The following FAM184B variants were observed in gnomAD, a reference collection of about 807,000 sequenced individuals.
The protein encoded by FAM184B is family with sequence similarity 184 member B.
Under a neutral mutation model 135.9 loss-of-function variants are expected in FAM184B, and 111 were observed. The observed-to-expected ratio is 0.82, with a 90% CI of 0.70 to 0.96. The LOEUF (loss-of-function observed/expected upper bound fraction) is 0.96, where lower values mean the gene tolerates loss of function less well. FAM184B is among the 40% of genes least tolerant of loss of function. The pLI is 0.00. For missense variants in FAM184B, 1,375 were observed against 1,323.9 expected (o/e 1.04, Z -0.60); for synonymous variants, 552 against 524.8 (o/e 1.05, Z -0.71).
intron 1 of FAM184B, among the ~76,000 whole-genome samples, chr4:17,745,898 T>C (rs1164203654): frequency 6.6e-6 from 1 of 152,210 alleles, no homozygotes; most frequent in African/African-American, 2.4e-5. Flanking sequence ...TATTTAGATC[T>C]CTGATCCACA....
intron 4 of FAM184B, 53 bp from the exon 5 acceptor site, chr4:17,705,259 G>A (rs1272459549): frequency 3.7e-5 from 49 of 1,333,230 alleles, no homozygotes; most frequent in Non-Finnish European, 4.7e-5. Context: ...TGAGGAGCAA[G>A]GAATCACCAT....
At chr4:17,646,478 G>A (rs979338617) in intron 12 of FAM184B, among the ~76,000 whole-genome samples, 5 of 152,102 alleles carry the variant, frequency 3.3e-5, no homozygotes, top group Admixed American at 2.6e-4. Context: ...AATATCAGAA[G>A]GACAAAAAAC....
intron 8 of FAM184B, 82 bp from the exon 9 acceptor site, chr4:17,660,169 G>A: frequency 6.7e-7 from 1 of 1,485,554 alleles, no homozygotes; most frequent in Non-Finnish European, 9.1e-7. Context: ...GCCAGCCACT[G>A]TGCCTGGGAG....
intron 8 of FAM184B, among the ~76,000 whole-genome samples, chr4:17,662,406 C>T (rs931815618): frequency 1.3e-5 from 2 of 152,044 alleles, no homozygotes; most frequent in Middle Eastern, 3.4e-3. Flanking sequence ...GGCACAATCT[C>T]GGCTCGCTGC....
intron 1 of FAM184B, among the ~76,000 whole-genome samples, chr4:17,767,178 C>T (rs896442888): frequency 2.6e-5 from 4 of 152,174 alleles, no homozygotes; most frequent in Non-Finnish European, 4.4e-5. Flanking sequence ...GGTTCCCGCC[C>T]GTGCCTCTCC....
At chr4:17,656,558 C>G (rs1408770239) in intron 10 of FAM184B, among the ~76,000 whole-genome samples, 1 of 152,140 alleles carries the variant, frequency 6.6e-6, no homozygotes, top group East Asian at 1.9e-4. Context: ...CGCACCATGA[C>G]ACCTGGCTAA....
chr4:17,738,367 G>T (rs1717954654), intron 1 of FAM184B, among the ~76,000 whole-genome samples: 1 of 152,040 alleles, frequency 6.6e-6, no homozygotes, highest in South Asian at 2.1e-4. Context: ...GAGAGTTAAA[G>T]ATATCTGCCT....
In FAM184B at chr4:17,705,806, C is replaced by T; in HGVS notation, c.1116G>A (p.Gln372=). 6.4e-7 allele frequency: 1 copy of T among 1,552,004 alleles called. No homozygotes were observed. Among genetic ancestry groups the T allele is most frequent in the Non-Finnish European group, 8.7e-7 (1 of 1,147,058 alleles). ...DLEAGNLHPQ[Q]DQSCLKECPC... ...GGCACTCCTTGAGACAGCTTTGATC[C>T]TGCTGAGGATGAAGATTGCCGGCTT... The change falls in exon 4 of 18, where the codon CAG becomes CAA. Residue 372 remains glutamine (Q), a synonymous_variant. Transcript: ENST00000265018.
Position 17,642,142 on chromosome 4 carries a change from G to A in FAM184B, c.2433C>T (p.Asn811=), listed in dbSNP as rs1259700852. ...SGEGCGLWEE[N]AQLQDAVRRL... ...GCCGCACCGCGTCCTGGAGCTGCGC[G>A]TTCTCCTCCCAGAGCCCGCATCCCT... Residue 811 remains asparagine, a synonymous_variant, in exon 13 of 18, where the codon AAC becomes AAT. Coordinates refer to ENST00000265018, the MANE Select transcript of FAM184B (RefSeq NM_015688.2). The A allele has an allele frequency of 5.2e-6, 8 of 1,533,580 alleles. 1 individual carries two copies. The East Asian group carries it at 7.4e-5, about 14-fold the overall frequency. The allele number at this position is 1,533,580 out of a possible 1,614,324, so 95.0% of individuals were successfully genotyped here. A position where few individuals can be genotyped will look rare whatever the true frequency, so the allele number is the denominator to read the frequency against.
chr4:17,644,133 A>G (rs1251754104), intron 12 of FAM184B, among the ~76,000 whole-genome samples: 3 of 152,214 alleles, frequency 2.0e-5, no homozygotes, highest in Non-Finnish European at 4.4e-5. Flanking sequence ...CGCAGGGAAT[A>G]TGGCAGGACA....
chr4:17,640,424 C>G lies in FAM184B; in HGVS notation c.2520-1028G>C, dbSNP rs192728516. On this transcript the variant is annotated intron_variant, in intron 13 of 17. Transcript: ENST00000265018. ...ACTTGAACCTGGGAGGTGGAGGTTG[C>G]AGTGAGCCGAGATGGCACCACTGCA... Among the ~76,000 whole-genome samples, 1,325 of 148,102 alleles carry G rather than the reference C, an allele frequency of 8.9e-3. 20 individuals carry two copies. Among genetic ancestry groups the G allele is most frequent in the African/African-American group, 0.032 (1,278 of 40,356 alleles).
intron 1 of FAM184B, among the ~76,000 whole-genome samples, chr4:17,764,000 G>A (rs553683695): frequency 2.0e-5 from 3 of 151,954 alleles, no homozygotes; most frequent in South Asian, 2.1e-4. Context: ...CTCTCCACCC[G>A]CCCCCAACAC....
chr4:17,635,836 G>A (rs1715108409), intron 15 of FAM184B, among the ~76,000 whole-genome samples: 1 of 152,186 alleles, frequency 6.6e-6, no homozygotes, highest in Non-Finnish European at 1.5e-5. Context: ...CTGAATCAGA[G>A]GGAGCTGGGT....
intron 1 of FAM184B, among the ~76,000 whole-genome samples, chr4:17,713,548 T>C (rs942473425): frequency 6.6e-6 from 1 of 152,242 alleles, no homozygotes; most frequent in Non-Finnish European, 1.5e-5. Context: ...AAATTTACTA[T>C]GTGCCTAGCA....
At position 17,768,891 on chromosome 4, in the gene FAM184B, G is replaced by A. The variant is rs377105907; in HGVS notation, c.141+12268C>T. Among the ~76,000 whole-genome samples, 11 of 151,204 alleles carry A rather than the reference G, an allele frequency of 7.3e-5. No individual in the cohort carries two copies. The East Asian group carries it at 1.2e-3, about 16-fold the overall frequency. ...ATTATCTCAGCTCACTGCAACCTCC[G>A]TTCCCGGGTTCAAGCGATTCTCCTG... On this transcript the variant is annotated intron_variant, in intron 1 of 17. Transcript: ENST00000265018.
In FAM184B at chr4:17,709,210, C is replaced by T. The variant is rs1331629713; in HGVS notation, c.576G>A (p.Glu192=). ...GCACCTCTAGCAGGACCTCCTGCAT[C>T]TCCGGGCCCTGGCCTGGCTCCGACT... is the stretch of plus-strand genomic sequence containing the variant. ...ETKSEPGQGP[E]MQEVLLEVQR... is the part of the protein sequence containing the mutation. The change falls in exon 2 of 18, where the codon GAG becomes GAA. Residue 192 remains glutamate, a synonymous_variant. Coordinates refer to ENST00000265018, the MANE Select transcript of FAM184B (RefSeq NM_015688.2). The T allele has an allele frequency of 1.3e-6, 2 of 1,547,762 alleles. No individual in the cohort carries two copies. Among genetic ancestry groups the T allele is most frequent in the South Asian group, 2.4e-5 (2 of 83,860 alleles).
In FAM184B at chr4:17,708,897, T is replaced by C; in HGVS notation, c.889A>G (p.Ile297Val). The C allele has an allele frequency of 6.6e-7, 1 of 1,507,592 alleles. No homozygotes were observed. The highest frequency in any genetic ancestry group is 8.9e-7 in the Non-Finnish European group (1 of 1,125,718). The allele number at this position is 1,507,592 out of a possible 1,614,324, so 93.4% of individuals were successfully genotyped here. A position where few individuals can be genotyped will look rare whatever the true frequency, so the allele number is the denominator to read the frequency against. The change falls in exon 2 of 18, where the codon ATT becomes GTT. Residue 297 changes from isoleucine to valine, a missense_variant. Physicochemically the swap from Ile to Val is conservative, Grantham distance 29 (BLOSUM62 3). Transcript: ENST00000265018. ...KKYAQKLKERIQDLDVQLKEA... is the reference protein window; with the variant it reads ...KKYAQKLKERVQDLDVQLKEA... ...AAGAAGAGATGCTGCTTTACCTGAA[T>C]CCTCTCCTTCAGCTTCTGGGCGTAC...
At chr4:17,737,193 G>A (rs1205722134) in intron 1 of FAM184B, among the ~76,000 whole-genome samples, 6 of 151,664 alleles carry the variant, frequency 4.0e-5, no homozygotes, top group African/African-American at 1.5e-4. Flanking sequence ...TTTCCTCCAT[G>A]CCAGTACCTC....
intron 1 of FAM184B, among the ~76,000 whole-genome samples, chr4:17,760,568 C>G (rs1036753965): frequency 3.3e-5 from 5 of 152,080 alleles, no homozygotes; most frequent in African/African-American, 1.2e-4. Flanking sequence ...CTGAATGGCC[C>G]TATTCTCTCT....
Sources: allele counts gnomAD v4.1 joint callset (sites outside exome capture counted in the v4.1 genomes callset), GRCh38; gene constraint gnomAD v4.1.1; transcripts MANE v1.5; gene names NCBI Gene and HGNC (gene_info 2026-07-23, HGNC 2026-07-21).